Variants in FARP2 observed in about 807,000 individuals in gnomAD.
FARP2 encodes the protein FERM, ARH/RhoGEF and pleckstrin domain protein 2.
A neutral mutation model predicts 130.5 loss-of-function variants in FARP2; 111 were observed. The ratio of observed to expected loss-of-function variants is 0.85; its 90% CI spans 0.73 to 1.00. The LOEUF (loss-of-function observed/expected upper bound fraction) is 1.00. FARP2 is among the 50% of genes least tolerant of loss of function. The probability of loss-of-function intolerance (pLI) is 0.00; values close to 1 mark genes in which losing one functional copy is unlikely to be tolerated. For missense variants in FARP2, 1,385 were observed against 1,346.3 expected (o/e 1.03, Z -0.45); for synonymous variants, 504 against 516.9 (o/e 0.98, Z 0.34).
Position 241,475,296 on chromosome 2 carries a change from G to A in FARP2, c.2132-561G>A, listed in dbSNP as rs1340368328. Among the ~76,000 whole-genome samples the A allele has an allele frequency of 6.6e-6, 1 of 152,208 alleles. No homozygotes were observed. Among genetic ancestry groups the A allele is most frequent in the Non-Finnish European group, 1.5e-5 (1 of 68,038 alleles). On this transcript the variant is annotated intron_variant, in intron 18 of 26. Coordinates refer to ENST00000264042, the MANE Select transcript of FARP2 (RefSeq NM_014808.4). The surrounding 1 kb of genome is among the most constrained non-coding windows in gnomAD (Gnocchi z 4.4). ...GTATCTGCAGGAGCAGGCGCCTGGTGGCTGCACATAGTAGGCAGCAGTCCT... is the reference window on the plus strand; with the variant it reads ...GTATCTGCAGGAGCAGGCGCCTGGTAGCTGCACATAGTAGGCAGCAGTCCT...
In FARP2 at chr2:241,434,229, T is replaced by C. The variant is rs759239731; in HGVS notation, c.939T>C (p.Cys313=). 6.2e-7 allele frequency: 1 copy of C among 1,614,000 alleles called. No homozygotes were observed. Among genetic ancestry groups the C allele is most frequent in the East Asian group, 2.2e-5 (1 of 44,888 alleles). ...AATGTAAGAACTTCTGGAAGATTTG[T>C]GTGGAGTATCACACCTTTTTTAGAC... ...RDECKNFWKI[C]VEYHTFFRLL... is the part of the protein sequence containing the mutation. Residue 313 remains cysteine, a synonymous_variant, in exon 10 of 27, where the codon TGT becomes TGC. Transcript: ENST00000264042.
chr2:241,421,416 T>G (rs1158349046), intron 8 of FARP2, among the ~76,000 whole-genome samples: 1 of 152,186 alleles, frequency 6.6e-6, no homozygotes. Flanking sequence ...ACCTCACAAG[T>G]TAAGACCCAC....
intron 18 of FARP2, among the ~76,000 whole-genome samples, chr2:241,469,131 G>C (rs550395413): frequency 1.3e-5 from 2 of 151,702 alleles, no homozygotes; most frequent in East Asian, 3.9e-4. Flanking sequence ...TTGTCGCCCA[G>C]GCTGGAGTTC....
intron 2 of FARP2, among the ~76,000 whole-genome samples, chr2:241,379,308 G>T (rs1213376953): frequency 6.6e-6 from 1 of 152,224 alleles, no homozygotes; most frequent in African/African-American, 2.4e-5. Flanking sequence ...ATGATTAAAA[G>T]AACAACCTGG....
At chr2:241,464,309 G>C (rs1342014632) in intron 17 of FARP2, among the ~76,000 whole-genome samples, 1 of 150,958 alleles carries the variant, frequency 6.6e-6, no homozygotes, top group Non-Finnish European at 1.5e-5. Flanking sequence ...CTCAAAACAG[G>C]GTCCCCTCAG....
intron 19 of FARP2, 41 bp downstream of exon 19, chr2:241,476,028 G>T: frequency 6.3e-7 from 1 of 1,577,882 alleles, no homozygotes; most frequent in South Asian, 1.2e-5. Flanking sequence ...GAGCTACTTT[G>T]GTTTTTCAAT....
intron 17 of FARP2, chr2:241,466,564 C>G (rs534055720): frequency 2.0e-6 from 2 of 985,446 alleles, no homozygotes; most frequent in Non-Finnish European, 2.4e-6. Context: ...TTCCACCTCC[C>G]GCTAGAAGCC....
Position 241,442,117 on chromosome 2 carries a change from C to T in FARP2, c.1411+561C>T, listed in dbSNP as rs1395988588. ...GCAGGCCAGCCGGATGCAGCGCCTG[C>T]TGGGTCCTTCTGAGACCAGCTCACT... On this transcript the variant is annotated intron_variant, in intron 13 of 26. Transcript: ENST00000264042. The T allele has an allele frequency of 7.4e-6, 3 of 408,124 alleles. No homozygotes were observed. In the East Asian group the frequency reaches 2.2e-4, roughly 29 times the overall value. 25.3% of individuals were successfully genotyped at this position (408,124 alleles called of 1,614,324 possible).
chr2:241,389,834 T>A (rs527540998), intron 2 of FARP2, among the ~76,000 whole-genome samples: 1 of 152,356 alleles, frequency 6.6e-6, no homozygotes, highest in African/African-American at 2.4e-5. Flanking sequence ...GCAGATAAGT[T>A]ATTCACAGGT....
chr2:241,391,445 TA>T (rs1045812719), intron 2 of FARP2, among the ~76,000 whole-genome samples: 1 of 152,108 alleles, frequency 6.6e-6, no homozygotes, highest in Non-Finnish European at 1.5e-5. Context: ...CATAAAGCAG[TA>T]ATGGGCGAGT....
intron 13 of FARP2, among the ~76,000 whole-genome samples, chr2:241,456,122 T>G (rs566497498): frequency 6.6e-6 from 1 of 152,280 alleles, no homozygotes; most frequent in African/African-American, 2.4e-5. Context: ...TTGGCACCTA[T>G]TTATTCGAAA....
intron 5 of FARP2, among the ~76,000 whole-genome samples, chr2:241,409,723 T>A (rs968818698): frequency 6.6e-6 from 1 of 152,180 alleles, no homozygotes; most frequent in Non-Finnish European, 1.5e-5. Flanking sequence ...AAATGATACG[T>A]ATTGAACTGT....
intron 13 of FARP2, among the ~76,000 whole-genome samples, chr2:241,452,558 C>T (rs1336945162): frequency 6.6e-6 from 1 of 151,780 alleles, no homozygotes; most frequent in Admixed American, 6.6e-5. Context: ...GTCCTAGCTA[C>T]ACAGAAGGCT....
At chr2:241,369,319 G>C (rs991191738) in intron 1 of FARP2, among the ~76,000 whole-genome samples, 4 of 152,058 alleles carry the variant, frequency 2.6e-5, no homozygotes, top group Admixed American at 2.0e-4. Flanking sequence ...ACATGAATCA[G>C]ATATATGGCT....
At chr2:241,390,598 G>A (rs373080828) in intron 2 of FARP2, among the ~76,000 whole-genome samples, 2 of 151,970 alleles carry the variant, frequency 1.3e-5, no homozygotes, top group African/African-American at 2.4e-5. Context: ...TATTTAGTTG[G>A]ATTCTTTTTC....
At chr2:241,402,109 T>C (rs2150345548) in intron 2 of FARP2, among the ~76,000 whole-genome samples, 1 of 152,326 alleles carries the variant, frequency 6.6e-6, no homozygotes, top group Middle Eastern at 3.4e-3. Flanking sequence ...AATTCTTTAC[T>C]GAATTTGTCC....
At chr2:241,439,773 C>G (rs1191146437) in intron 12 of FARP2, among the ~76,000 whole-genome samples, 1 of 152,052 alleles carries the variant, frequency 6.6e-6, no homozygotes, top group East Asian at 1.9e-4. Context: ...ACCAGCTTGG[C>G]CAACATGGTG....
intron 2 of FARP2, among the ~76,000 whole-genome samples, chr2:241,386,542 G>A (rs1372822313): frequency 6.6e-6 from 1 of 152,202 alleles, no homozygotes; most frequent in African/African-American, 2.4e-5. Flanking sequence ...TTAAAGATTG[G>A]TTAGCGATTG....
chr2:241,415,375 C>T (rs374983358), intron 7 of FARP2, among the ~76,000 whole-genome samples: 2 of 152,150 alleles, frequency 1.3e-5, no homozygotes, highest in Non-Finnish European at 2.9e-5. Flanking sequence ...CAGCAGGAAA[C>T]GGTCACTGGT....
Sources: gnomAD v4.1 joint callset for allele counts (sites outside exome capture counted in the v4.1 genomes callset) on GRCh38, gnomAD v4.1.1 for gene constraint, Gnocchi (gnomAD v3.1) non-coding constraint, MANE v1.5 for transcripts, NCBI Gene and HGNC (gene_info 2026-07-23, HGNC 2026-07-21) for gene names.